The following GPC5 variants were observed in gnomAD, a reference collection of about 807,000 sequenced individuals.
GPC5 encodes glypican-5.
In GPC5, 47 loss-of-function variants were observed where a neutral mutation model predicts 53.9. That is an observed-to-expected ratio of 0.87 (90% confidence interval 0.69 to 1.11). The LOEUF is 1.11. Ranked by LOEUF, GPC5 falls within the 50% of genes most tolerant of loss-of-function variation. The pLI, the probability that GPC5 is intolerant of heterozygous loss-of-function variation, is 0.00. For synonymous variants in GPC5, 286 were observed against 263.3 expected, an observed-to-expected ratio of 1.09 and a Z score of -0.84; for missense variants, 748 against 713.1, an observed-to-expected ratio of 1.05 and a Z score of -0.56.
At chr13:92,094,413 AGGTGGCTGAGGCGGGAAAAT>A (rs1306845726) in intron 6 of GPC5, among the ~76,000 whole-genome samples, 1 of 149,340 alleles carries the variant, frequency 6.7e-6, no homozygotes, top group Non-Finnish European at 1.5e-5. Flanking sequence ...CCAGCTACTC[AGGTGGCTGAGGCGGGAAAAT>A]GGCGTTGAAC....
At chr13:91,720,823 ATCTG>A (rs1251935002) in intron 3 of GPC5, among the ~76,000 whole-genome samples, 1 of 152,154 alleles carries the variant, frequency 6.6e-6, no homozygotes, top group African/African-American at 2.4e-5. Context: ...AGATTCATGA[ATCTG>A]TCTTTCTTTC....
chr13:91,461,788 A>G (rs577486298), intron 2 of GPC5, among the ~76,000 whole-genome samples: 43 of 152,174 alleles, frequency 2.8e-4, no homozygotes, highest in African/African-American at 9.6e-4. Context: ...CATTATAAGA[A>G]GTGCTGCAGG....
intron 7 of GPC5, among the ~76,000 whole-genome samples, chr13:92,188,186 A>G (rs1011440628): frequency 6.6e-6 from 1 of 152,178 alleles, no homozygotes; most frequent in African/African-American, 2.4e-5. Flanking sequence ...TAAACACCTG[A>G]TTTTTAAAAA....
In GPC5 at chr13:92,546,300, T is replaced by C. The variant is rs974956407; in HGVS notation, c.1562-319982T>C. 9.8e-5 allele frequency among the ~76,000 whole-genome samples: 15 copies of C among 152,288 alleles called. No homozygotes were observed. The East Asian group carries it at 1.2e-3, about 12-fold the overall frequency. On this transcript the variant is annotated intron_variant, in intron 7 of 7. Transcript: ENST00000377067. ...TCAACCCAAGATCTCCTCAAGCTGA[T>C]AGGCAACTTCAGCAAAGTCTCAGGA...
At chr13:91,445,936 T>A (rs1268178223) in intron 1 of GPC5, among the ~76,000 whole-genome samples, 1 of 152,208 alleles carries the variant, frequency 6.6e-6, no homozygotes, top group Non-Finnish European at 1.5e-5. Flanking sequence ...CTCACTATTT[T>A]GGGGTTCTCC....
At chr13:92,362,804 A>T (rs369435397) in intron 7 of GPC5, among the ~76,000 whole-genome samples, 2 of 151,752 alleles carry the variant, frequency 1.3e-5, no homozygotes, top group Non-Finnish European at 2.9e-5. Context: ...CTGTGTTGTT[A>T]GGGGTAAAGA....
chr13:92,040,672 A>G (rs1594739566), intron 6 of GPC5, among the ~76,000 whole-genome samples: 1 of 152,090 alleles, frequency 6.6e-6, no homozygotes, highest in Non-Finnish European at 1.5e-5. Context: ...TGCTGCTACA[A>G]CTGCCATTAC....
intron 7 of GPC5, among the ~76,000 whole-genome samples, chr13:92,168,152 C>T (rs2042044837): frequency 6.6e-6 from 1 of 152,110 alleles, no homozygotes; most frequent in South Asian, 2.1e-4. Flanking sequence ...AGTCTGTCTA[C>T]TTGGCCCTTC....
At chr13:91,510,082 T>G (rs1885156608) in intron 2 of GPC5, among the ~76,000 whole-genome samples, 1 of 152,154 alleles carries the variant, frequency 6.6e-6, no homozygotes, top group Non-Finnish European at 1.5e-5. Flanking sequence ...GTTTCATTTT[T>G]GTTTTATCAT....
intron 5 of GPC5, among the ~76,000 whole-genome samples, chr13:91,817,773 C>A (rs1306974089): frequency 1.3e-5 from 2 of 152,108 alleles, no homozygotes; most frequent in African/African-American, 2.4e-5. Flanking sequence ...CCCTAAGCCA[C>A]CCCAAAATAA....
intron 2 of GPC5, among the ~76,000 whole-genome samples, chr13:91,610,278 G>A (rs1292697142): frequency 4.6e-5 from 7 of 152,046 alleles, no homozygotes; most frequent in Non-Finnish European, 8.8e-5. Context: ...CTGTCACTTT[G>A]GAAAACAGTA....
chr13:91,536,732 A>T (rs112841317), intron 2 of GPC5, among the ~76,000 whole-genome samples: 1,807 of 152,260 alleles, frequency 0.012, 37 homozygotes, highest in African/African-American at 0.04. Flanking sequence ...GTCCACCCCA[A>T]TGTCTCATTT....
intron 6 of GPC5, among the ~76,000 whole-genome samples, chr13:92,121,820 G>A (rs2041651832): frequency 1.3e-5 from 2 of 152,178 alleles, no homozygotes; most frequent in Non-Finnish European, 2.9e-5. Flanking sequence ...TAGTGGCCAA[G>A]TGAAGAGTTT....
intron 7 of GPC5, among the ~76,000 whole-genome samples, chr13:92,233,834 G>A (rs1471744028): frequency 6.6e-6 from 1 of 151,774 alleles, no homozygotes; most frequent in Non-Finnish European, 1.5e-5. Context: ...ACAGTCCCCG[G>A]TGTGTGATGT....
chr13:92,709,334 C>A (rs1358604371), intron 7 of GPC5, among the ~76,000 whole-genome samples: 1 of 151,780 alleles, frequency 6.6e-6, no homozygotes, highest in Non-Finnish European at 1.5e-5. Flanking sequence ...CCTGGAAGTA[C>A]AGGCCACTGT....
intron 7 of GPC5, among the ~76,000 whole-genome samples, chr13:92,177,116 G>T (rs1376037035): frequency 6.6e-6 from 1 of 152,100 alleles, no homozygotes; most frequent in Non-Finnish European, 1.5e-5. Context: ...CCAGCTTGTT[G>T]TTTTGCATCT....
intron 1 of GPC5, among the ~76,000 whole-genome samples, chr13:91,441,709 G>A (rs1880445221): frequency 6.6e-6 from 1 of 152,170 alleles, no homozygotes; most frequent in Non-Finnish European, 1.5e-5. Context: ...AAGATTACTT[G>A]TGTCTCAGTC....
intron 1 of GPC5, among the ~76,000 whole-genome samples, chr13:91,422,284 G>A (rs991658152): frequency 6.6e-6 from 1 of 152,206 alleles, no homozygotes; most frequent in Non-Finnish European, 1.5e-5. Context: ...TAAATATATC[G>A]CCATAGTCTG....
intron 7 of GPC5, chr13:92,180,957 A>T (rs1406881228): frequency 6.5e-6 from 1 of 153,082 alleles, no homozygotes; most frequent in Non-Finnish European, 1.5e-5. Flanking sequence ...TGTAAAATAC[A>T]CCTTCAGCTA....
Sources: gnomAD v4.1 joint callset for allele counts (sites outside exome capture counted in the v4.1 genomes callset) on GRCh38, gnomAD v4.1.1 for gene constraint, MANE v1.5 for transcripts, NCBI Gene and HGNC (gene_info 2026-07-23, HGNC 2026-07-21) for gene names.